OSBPL9: variants seen among roughly 807,000 people sequenced by gnomAD.
OSBPL9 encodes the protein oxysterol binding protein like 9.
A neutral mutation model predicts 106.6 loss-of-function variants in OSBPL9; 40 were observed. That is an observed-to-expected ratio of 0.38 (90% CI 0.29 to 0.49). The LOEUF is 0.49. Among genes scored for constraint, OSBPL9 ranks in the 20% least tolerant of loss-of-function variants. OSBPL9 has a pLI of 0.97. For synonymous variants in OSBPL9, 269 were observed against 295.4 expected, an observed-to-expected ratio of 0.91 and a Z score of 0.92; for missense variants, 609 against 887.2, an observed-to-expected ratio of 0.69 and a Z score of 3.98.
intron 1 of OSBPL9, among the ~76,000 whole-genome samples, chr1:51,618,210 G>A (rs1644202304): frequency 6.6e-6 from 1 of 152,016 alleles, no homozygotes; most frequent in African/African-American, 2.4e-5. Context: ...GTAGAGACGG[G>A]GTTTCACCAT....
At chr1:51,731,281 C>T (rs1022918833) in intron 4 of OSBPL9, among the ~76,000 whole-genome samples, 3 of 151,632 alleles carry the variant, frequency 2.0e-5, no homozygotes, top group Non-Finnish European at 4.4e-5. Flanking sequence ...CGCCCCTGCC[C>T]CAATAAAAAT....
chr1:51,698,456 TTATATG>T (rs1339081063), intron 3 of OSBPL9, among the ~76,000 whole-genome samples: 5 of 152,138 alleles, frequency 3.3e-5, no homozygotes, highest in African/African-American at 9.7e-5. Context: ...ATGTTCCAGT[TTATATG>T]TATATGTGTA....
intron 3 of OSBPL9, among the ~76,000 whole-genome samples, chr1:51,700,079 A>G (rs2148850628): frequency 6.6e-6 from 1 of 152,290 alleles, no homozygotes; most frequent in South Asian, 2.1e-4. Flanking sequence ...TCTGTATGTA[A>G]TTATTTTCCA....
the OSBPL9 span, among the ~76,000 whole-genome samples, chr1:51,518,835 G>T: frequency 6.6e-6 from 1 of 151,836 alleles, no homozygotes; most frequent in Non-Finnish European, 1.5e-5. Flanking sequence ...GATGCGTGCG[G>T]CCCTGTGGGA....
chr1:51,657,952 G>T (rs565497591), intron 2 of OSBPL9, among the ~76,000 whole-genome samples: 1 of 151,844 alleles, frequency 6.6e-6, no homozygotes, highest in Non-Finnish European at 1.5e-5. Flanking sequence ...CAAAAAAAAT[G>T]AACAAAATTG....
intron 1 of OSBPL9, among the ~76,000 whole-genome samples, chr1:51,591,366 CT>C (rs1476165461): frequency 1.3e-5 from 2 of 152,226 alleles, no homozygotes; most frequent in Non-Finnish European, 2.9e-5. Context: ...GCCACCACCC[CT>C]GCCCACTCTT....
rs1478373083 is a variant in OSBPL9 at position 51,739,448 on chromosome 1, T to G, written c.319-6088T>G. ...TTACTTAGCATTACAGAAAAAGACC[T>G]TACTTTTCAGGGCATTCTTGAGGTA... On this transcript the variant is annotated intron_variant, in intron 4 of 23. Coordinates refer to ENST00000428468, the MANE Select transcript of OSBPL9 (RefSeq NM_024586.6). Among the ~76,000 whole-genome samples, 181 of 152,100 alleles carry G rather than the reference T, an allele frequency of 1.2e-3. 2 individuals are homozygous for G. The highest frequency in any genetic ancestry group is 5.9e-5 in the Non-Finnish European group (4 of 67,864).
chr1:51,738,280 G>C (rs552850462), intron 4 of OSBPL9, among the ~76,000 whole-genome samples: 10 of 152,026 alleles, frequency 6.6e-5, no homozygotes, highest in South Asian at 4.2e-4. Flanking sequence ...TTGTGCTAAG[G>C]GTTATGATTG....
At chr1:51,547,119 C>T in the OSBPL9 span, among the ~76,000 whole-genome samples, 12 of 152,178 alleles carry the variant, frequency 7.9e-5, no homozygotes, top group Non-Finnish European at 1.3e-4. Flanking sequence ...AACTCATACA[C>T]TCTATGAGCT....
At chr1:51,526,692 G>T in the OSBPL9 span, among the ~76,000 whole-genome samples, 59 of 151,822 alleles carry the variant, frequency 3.9e-4, no homozygotes, top group Non-Finnish European at 6.5e-4. Context: ...AAATCTAGTG[G>T]CCTGGAATTT....
chr1:51,648,069 CA>C (rs1646281725), intron 1 of OSBPL9, among the ~76,000 whole-genome samples: 2 of 152,156 alleles, frequency 1.3e-5, no homozygotes, highest in Admixed American at 6.5e-5. Flanking sequence ...GAGAGAGTGA[CA>C]GTTACTGGGC....
intron 4 of OSBPL9, among the ~76,000 whole-genome samples, chr1:51,724,401 A>G (rs947486297): frequency 6.6e-6 from 1 of 152,022 alleles, no homozygotes; most frequent in East Asian, 1.9e-4. Flanking sequence ...CTCCTGCCTC[A>G]GCCTCCTGAA....
At chr1:51,756,746 T>C (rs1168282512) in intron 9 of OSBPL9, 1 of 173,540 alleles carries the variant, frequency 5.8e-6, no homozygotes, top group Non-Finnish European at 1.2e-5. Flanking sequence ...TCTATTTGAA[T>C]ATATTTATAG....
At chr1:51,581,461 C>T (rs906740350) in intron 1 of OSBPL9, among the ~76,000 whole-genome samples, 2 of 152,182 alleles carry the variant, frequency 1.3e-5, no homozygotes, top group African/African-American at 2.4e-5. Flanking sequence ...TTCCATACTG[C>T]ACTCTTTAAA....
Position 51,714,090 on chromosome 1 carries a change from T to G in OSBPL9, c.318+11T>G. The G allele has an allele frequency of 1.9e-6, 3 of 1,593,502 alleles. No homozygotes were observed. The highest frequency in any genetic ancestry group is 2.6e-6 in the Non-Finnish European group (3 of 1,167,684). On this transcript the variant is annotated intron_variant, in intron 4 of 23. Coordinates refer to ENST00000428468, the MANE Select transcript of OSBPL9 (RefSeq NM_024586.6). ...ACTCTCCAGCTTCAAGTAAGGGTCT[T>G]TACATGGTTTCCAGATAGTTCATTA...
the OSBPL9 span, among the ~76,000 whole-genome samples, chr1:51,523,683 G>A: frequency 7.2e-5 from 11 of 152,130 alleles, no homozygotes; most frequent in Admixed American, 2.0e-4. Context: ...CTGGATTTAC[G>A]ATAGCCCTAA....
chr1:51,763,412 A>G (rs749789121), intron 11 of OSBPL9, among the ~76,000 whole-genome samples: 6 of 152,174 alleles, frequency 3.9e-5, no homozygotes, highest in Non-Finnish European at 8.8e-5. Flanking sequence ...AATTAATTAA[A>G]TGTATGTTGA....
intron 3 of OSBPL9, among the ~76,000 whole-genome samples, chr1:51,677,800 C>T (rs12734912): frequency 6.6e-6 from 1 of 152,104 alleles, no homozygotes; most frequent in Non-Finnish European, 1.5e-5. Context: ...CCACCCGCCT[C>T]GGCCTCCCAA....
At chr1:51,784,127 G>A (rs1399988915) in intron 18 of OSBPL9, 102 bp downstream of exon 18, 6 of 1,388,288 alleles carry the variant, frequency 4.3e-6, no homozygotes, top group Non-Finnish European at 6.1e-6. Context: ...GGTATTGGGG[G>A]TGAGAGCAAA....
Sources: allele counts gnomAD v4.1 joint callset (sites outside exome capture counted in the v4.1 genomes callset), GRCh38; gene constraint gnomAD v4.1.1; transcripts MANE v1.5; gene names NCBI Gene and HGNC (gene_info 2026-07-23, HGNC 2026-07-21).